LINGO1: variants seen among roughly 807,000 people sequenced by gnomAD.
LINGO1 encodes leucine-rich repeat and immunoglobulin-like domain-containing nogo receptor-interacting protein 1.
LINGO1 carries 11 observed loss-of-function variants against 37.3 expected under a neutral mutation model. That is an observed-to-expected ratio of 0.29 (90% CI 0.19 to 0.49). The LOEUF (loss-of-function observed/expected upper bound fraction) is 0.49. Ranked by LOEUF, LINGO1 falls within the 20% of genes least tolerant of loss-of-function variation. LINGO1 has a pLI of 0.99. For missense variants in LINGO1, 585 were observed against 878.2 expected, an observed-to-expected ratio of 0.67 and a Z score of 4.22; for synonymous variants, 387 against 403.0, an observed-to-expected ratio of 0.96 and a Z score of 0.48.
intron 1 of LINGO1, among the ~76,000 whole-genome samples, chr15:77,813,546 A>G (rs1596254603): frequency 6.6e-6 from 1 of 152,176 alleles, no homozygotes; most frequent in East Asian, 1.9e-4. Context: ...ACCAGGCTGC[A>G]TGCCCCAAGA....
intron 1 of LINGO1, among the ~76,000 whole-genome samples, chr15:77,802,920 G>A (rs915188329): frequency 6.6e-6 from 1 of 152,136 alleles, no homozygotes; most frequent in East Asian, 1.9e-4. Context: ...ACCCCCTGGG[G>A]CCCATCCCCA....
chr15:77,735,699 C>T (rs1354743280), intron 1 of LINGO1, among the ~76,000 whole-genome samples: 1 of 152,188 alleles, frequency 6.6e-6, no homozygotes, highest in Admixed American at 6.5e-5. Flanking sequence ...GTGGTGGGGC[C>T]TGAGGATCTG....
At chr15:77,704,033 A>G (rs527759163) in intron 2 of LINGO1, among the ~76,000 whole-genome samples, 2 of 152,300 alleles carry the variant, frequency 1.3e-5, no homozygotes, top group East Asian at 3.9e-4. Flanking sequence ...CCACTTAACT[A>G]GCTGTGACCT....
chr15:77,801,899 G>T (rs2076922184), intron 1 of LINGO1, among the ~76,000 whole-genome samples: 1 of 152,194 alleles, frequency 6.6e-6, no homozygotes, highest in South Asian at 2.1e-4. Flanking sequence ...GGCCTCCCAG[G>T]CGAGGGTCAG....
intron 2 of LINGO1, among the ~76,000 whole-genome samples, chr15:77,718,607 C>T (rs11072666): frequency 0.53 from 79,573 of 150,502 alleles, 23,078 homozygotes; most frequent in Admixed American, 0.64. Flanking sequence ...CAGAGATGCA[C>T]GCTGGGAGCC....
Position 77,615,117 on chromosome 15 carries a change from T to C in LINGO1, c.790A>G (p.Asn264Asp). 1 of 1,613,980 alleles carries C rather than the reference T, an allele frequency of 6.2e-7. No homozygotes were observed. The highest frequency in any genetic ancestry group is 1.1e-5 in the South Asian group (1 of 91,074). ...TMTPNCLYGL[N>D]LTSLSITHCN... Reference sequence around the variant, plus strand: ...TGTGTGATGGACAGGGACGTCAGGTTGAGGCCGTAGAGGCAGTTGGGTGTC... The same window carrying C: ...TGTGTGATGGACAGGGACGTCAGGTCGAGGCCGTAGAGGCAGTTGGGTGTC... Residue 264 changes from asparagine to aspartate, a missense_variant, in exon 2 of 2, where the codon AAC (asparagine) becomes GAC (aspartate). This residue lies in a region of LINGO1 where 484 missense variants were observed against 735.0 expected (regional missense o/e 0.66). Transcript: ENST00000355300.
intron 2 of LINGO1, among the ~76,000 whole-genome samples, chr15:77,718,466 G>A (rs533825500): frequency 6.6e-6 from 1 of 150,918 alleles, no homozygotes; most frequent in Non-Finnish European, 1.5e-5. Flanking sequence ...GTGTGTATGT[G>A]TATACAGGAC....
At chr15:77,672,735 T>C (rs1211474755) in intron 3 of LINGO1, among the ~76,000 whole-genome samples, 1 of 152,218 alleles carries the variant, frequency 6.6e-6, no homozygotes, top group Non-Finnish European at 1.5e-5. Context: ...AGAATTGCAG[T>C]GCAGGCTGAC....
intron 3 of LINGO1, among the ~76,000 whole-genome samples, chr15:77,665,801 G>A (rs1223831551): frequency 6.6e-6 from 1 of 152,170 alleles, no homozygotes; most frequent in African/African-American, 2.4e-5. Context: ...CTTTGCACAG[G>A]CAGTTCCCTC....
intron 1 of LINGO1, among the ~76,000 whole-genome samples, chr15:77,814,009 T>C (rs2077028747): frequency 6.7e-6 from 1 of 149,374 alleles, no homozygotes; most frequent in Non-Finnish European, 1.5e-5. Context: ...GCCCCCCCAA[T>C]CTCAGCCCCT....
upstream of LINGO1, among the ~76,000 whole-genome samples, chr15:77,790,710 G>A (rs566246551): frequency 6.6e-6 from 1 of 152,308 alleles, no homozygotes; most frequent in African/African-American, 2.4e-5. Flanking sequence ...GGTTTGGGGG[G>A]GTGGAAAAGG....
At chr15:77,691,144 A>T (rs911815169) in intron 1 of LINGO1, among the ~76,000 whole-genome samples, 2 of 152,194 alleles carry the variant, frequency 1.3e-5, no homozygotes, top group Non-Finnish European at 1.5e-5. Context: ...ATAGTGTGAT[A>T]AAAAAACTGA....
intron 1 of LINGO1, among the ~76,000 whole-genome samples, chr15:77,753,748 A>C: frequency 6.6e-6 from 1 of 152,206 alleles, no homozygotes; most frequent in Non-Finnish European, 1.5e-5. Flanking sequence ...GCACACACAC[A>C]CCAAGTGTGC....
At chr15:77,638,623 A>G (rs2074441019), upstream of LINGO1, among the ~76,000 whole-genome samples, 1 of 152,210 alleles carries the variant, frequency 6.6e-6, no homozygotes, top group African/African-American at 2.4e-5. Flanking sequence ...AGACTTGTTT[A>G]TTAACTTAAG....
chr15:77,635,035 A>C (rs2074368882), upstream of LINGO1, among the ~76,000 whole-genome samples: 1 of 152,094 alleles, frequency 6.6e-6, no homozygotes, highest in Admixed American at 6.5e-5. Flanking sequence ...AATGGGGGAG[A>C]GCCCACTCAT....
intron 2 of LINGO1, among the ~76,000 whole-genome samples, chr15:77,792,893 C>T (rs1343483388): frequency 6.6e-6 from 1 of 152,212 alleles, no homozygotes; most frequent in Admixed American, 6.5e-5. Context: ...GAAACAGGCC[C>T]ACACCCATAG....
chr15:77,754,642 G>A (rs997431306), intron 1 of LINGO1, among the ~76,000 whole-genome samples: 46 of 152,356 alleles, frequency 3.0e-4, no homozygotes, highest in South Asian at 2.1e-4. Flanking sequence ...GGCTGTGCTG[G>A]GGGTTCTGGG....
chr15:77,714,624 C>A (rs1278529339), intron 2 of LINGO1, among the ~76,000 whole-genome samples: 1 of 152,224 alleles, frequency 6.6e-6, no homozygotes, highest in African/African-American at 2.4e-5. Context: ...CTGTTTGCCC[C>A]AATGGCATGA....
At chr15:77,684,090 C>G (rs1458105223) in intron 2 of LINGO1, among the ~76,000 whole-genome samples, 1 of 152,182 alleles carries the variant, frequency 6.6e-6, no homozygotes, top group Admixed American at 6.5e-5. Flanking sequence ...CTGTGCCTTG[C>G]CTTTTAAGTA....
Sources: allele counts gnomAD v4.1 joint callset (sites outside exome capture counted in the v4.1 genomes callset), GRCh38; gene constraint gnomAD v4.1.1; regional missense constraint gnomAD v4.1.1; transcripts MANE v1.5; gene names NCBI Gene and HGNC (gene_info 2026-07-23, HGNC 2026-07-21).